DCDC1: variants seen among roughly 807,000 people sequenced by gnomAD.
The protein encoded by DCDC1 is doublecortin domain-containing protein 1.
DCDC1 carries 200 observed loss-of-function variants against 178.3 expected under a neutral mutation model. The ratio of observed to expected loss-of-function variants is 1.12; its 90% CI spans 1.00 to 1.26. The LOEUF (loss-of-function observed/expected upper bound fraction) is 1.26. DCDC1 is among the 50% of genes most tolerant of loss of function. The probability of loss-of-function intolerance (pLI) is 0.00; values close to 1 mark genes in which losing one functional copy is unlikely to be tolerated. For synonymous variants in DCDC1, 690 were observed against 604.8 expected (o/e 1.14, Z -2.07); for missense variants, 1,983 against 1,749.2 (o/e 1.13, Z -2.38).
intron 9 of DCDC1, among the ~76,000 whole-genome samples, chr11:31,214,458 C>T (rs898438228): frequency 2.6e-5 from 4 of 152,052 alleles, no homozygotes; most frequent in African/African-American, 7.2e-5. Flanking sequence ...CTCTGCTGCA[C>T]ACAGCAGGAT....
chr11:31,287,595 T>C (rs1946930249), intron 7 of DCDC1, among the ~76,000 whole-genome samples: 2 of 151,994 alleles, frequency 1.3e-5, no homozygotes, highest in African/African-American at 4.8e-5. Context: ...CAAAGGACGA[T>C]GAATCAGTCT....
At chr11:30,997,989 G>A (rs960585884) in intron 20 of DCDC1, among the ~76,000 whole-genome samples, 8 of 152,016 alleles carry the variant, frequency 5.3e-5, no homozygotes, top group African/African-American at 1.9e-4. Context: ...AAGTAAGAGA[G>A]AGTTTAAAAA....
At chr11:31,300,229 T>C (rs1357359242) in intron 6 of DCDC1, among the ~76,000 whole-genome samples, 1 of 152,192 alleles carries the variant, frequency 6.6e-6, no homozygotes, top group Non-Finnish European at 1.5e-5. Context: ...CTGGCCCAGG[T>C]ACACACTCTA....
intron 9 of DCDC1, among the ~76,000 whole-genome samples, chr11:31,216,472 AG>A (rs1057501247): frequency 5.7e-5 from 7 of 123,798 alleles, no homozygotes; most frequent in African/African-American, 9.2e-5. Flanking sequence ...CATTTGCAAA[AG>A]GGGCAGATCT....
chr11:31,068,803 T>C (rs562769888), intron 18 of DCDC1, among the ~76,000 whole-genome samples: 2 of 152,104 alleles, frequency 1.3e-5, no homozygotes, highest in East Asian at 3.9e-4. Context: ...TGAATAACTC[T>C]GGGAAATGGG....
intron 18 of DCDC1, among the ~76,000 whole-genome samples, chr11:31,069,296 A>G (rs1466330617): frequency 6.6e-6 from 1 of 152,226 alleles, no homozygotes; most frequent in Non-Finnish European, 1.5e-5. Context: ...AATCCAAAAC[A>G]TTAGCAAAAA....
At chr11:31,262,094 C>T (rs1944828421) in intron 8 of DCDC1, among the ~76,000 whole-genome samples, 1 of 151,946 alleles carries the variant, frequency 6.6e-6, no homozygotes, top group South Asian at 2.1e-4. Flanking sequence ...CAGAGAGAGA[C>T]TCCATCTCTA....
intron 9 of DCDC1, among the ~76,000 whole-genome samples, chr11:31,238,220 A>C (rs978643069): frequency 6.6e-6 from 1 of 152,098 alleles, no homozygotes; most frequent in East Asian, 1.9e-4. Context: ...TTTGTACTTA[A>C]CACTGCCCAT....
intron 20 of DCDC1, among the ~76,000 whole-genome samples, chr11:31,052,731 G>A (rs1590885827): frequency 6.6e-6 from 1 of 152,276 alleles, no homozygotes; most frequent in African/African-American, 2.4e-5. Flanking sequence ...GCTCCTGAAT[G>A]AGCATTGGGT....
chr11:30,955,002 T>C lies in DCDC1; in HGVS notation c.2592-2434A>G, dbSNP rs370396140. On this transcript the variant is annotated intron_variant, in intron 20 of 38. Transcript: ENST00000684477. ...TAATTCAGACAACATATTTGAGTTATTGGAATATTAGCGAACAACTTCAGA... is the reference window on the plus strand; with the variant it reads ...TAATTCAGACAACATATTTGAGTTACTGGAATATTAGCGAACAACTTCAGA... Among the ~76,000 whole-genome samples, 103 of 152,342 alleles carry C rather than the reference T, an allele frequency of 6.8e-4. No individual in the cohort carries two copies. The South Asian group carries it at 0.02, about 29-fold the overall frequency.
intron 9 of DCDC1, among the ~76,000 whole-genome samples, chr11:31,225,420 T>C (rs1406133054): frequency 1.3e-5 from 2 of 151,754 alleles, no homozygotes; most frequent in Non-Finnish European, 2.9e-5. Flanking sequence ...GGGTACAGCA[T>C]AAACTGCTCA....
At chr11:31,141,923 C>T (rs369014060) in intron 9 of DCDC1, among the ~76,000 whole-genome samples, 3 of 152,204 alleles carry the variant, frequency 2.0e-5, no homozygotes, top group Non-Finnish European at 4.4e-5. Context: ...GAGTTAGTTA[C>T]TGAAAAGAGC....
chr11:30,922,752 G>C, intron 23 of DCDC1, 114 bp from the exon 24 acceptor site: 2 of 1,033,234 alleles, frequency 1.9e-6, no homozygotes, highest in Non-Finnish European at 2.6e-6. Context: ...TATAATAGGT[G>C]AATGATTAAA....
intron 1 of DCDC1, 138 bp from the exon 2 acceptor site, chr11:31,335,702 G>A (rs1009422002): frequency 2.6e-5 from 4 of 152,196 alleles, no homozygotes; most frequent in African/African-American, 9.7e-5. Context: ...CCAGTTTCAT[G>A]GAAAACAATT....
At chr11:31,188,460 C>G (rs1402964114) in intron 9 of DCDC1, among the ~76,000 whole-genome samples, 1 of 152,154 alleles carries the variant, frequency 6.6e-6, no homozygotes, top group Non-Finnish European at 1.5e-5. Flanking sequence ...AATTATAGAA[C>G]AGAAAGGCAG....
At chr11:31,203,731 T>C (rs1297679070) in intron 9 of DCDC1, among the ~76,000 whole-genome samples, 1 of 152,230 alleles carries the variant, frequency 6.6e-6, no homozygotes, top group East Asian at 1.9e-4. Flanking sequence ...CATTTATATA[T>C]ATATTTTCCA....
At chr11:30,992,142 T>C (rs1002813132) in intron 20 of DCDC1, among the ~76,000 whole-genome samples, 43 of 152,198 alleles carry the variant, frequency 2.8e-4, no homozygotes, top group African/African-American at 1.0e-3. Context: ...CTTCTTCCCA[T>C]AAGGTCTCAT....
chr11:31,309,570 T>A (rs765792580), intron 3 of DCDC1, among the ~76,000 whole-genome samples: 6 of 152,236 alleles, frequency 3.9e-5, no homozygotes, highest in African/African-American at 1.2e-4. Flanking sequence ...GGGGAAAGAA[T>A]CACAGATTTC....
intron 29 of DCDC1, among the ~76,000 whole-genome samples, chr11:30,908,487 T>A (rs191194401): frequency 6.6e-6 from 1 of 152,262 alleles, no homozygotes; most frequent in Non-Finnish European, 1.5e-5. Flanking sequence ...GAGTATTAGA[T>A]GGCCAAAGAA....
Sources: allele counts gnomAD v4.1 joint callset (sites outside exome capture counted in the v4.1 genomes callset), GRCh38; gene constraint gnomAD v4.1.1; transcripts MANE v1.5; gene names NCBI Gene and HGNC (gene_info 2026-07-23, HGNC 2026-07-21).